CTNNA3: variants seen among roughly 807,000 people sequenced by gnomAD.
The protein encoded by CTNNA3 is catenin alpha-3.
CTNNA3 carries 76 observed loss-of-function variants against 95.7 expected under a neutral mutation model. The observed-to-expected ratio is 0.79, with a 90% CI of 0.66 to 0.96. The LOEUF (loss-of-function observed/expected upper bound fraction) is 0.96, where lower values mean the gene tolerates loss of function less well. Ranked by LOEUF, CTNNA3 falls within the 40% of genes least tolerant of loss-of-function variation. CTNNA3 has a pLI of 0.00. For missense variants in CTNNA3, 1,191 were observed against 1,089.8 expected, an observed-to-expected ratio of 1.09 and a Z score of -1.31; for synonymous variants, 431 against 374.4, an observed-to-expected ratio of 1.15 and a Z score of -1.74.
At chr10:66,869,743 T>G (rs1844324567) in intron 7 of CTNNA3, among the ~76,000 whole-genome samples, 1 of 151,960 alleles carries the variant, frequency 6.6e-6, no homozygotes, top group Non-Finnish European at 1.5e-5. Context: ...CATACAGAGG[T>G]GTGAGAGGCT....
chr10:66,570,311 C>T (rs1012546547), intron 10 of CTNNA3, among the ~76,000 whole-genome samples: 14 of 146,942 alleles, frequency 9.5e-5, no homozygotes, highest in African/African-American at 3.4e-4. Flanking sequence ...TTTGTTTTGA[C>T]AGAGTCTCGC....
At chr10:67,562,633 G>C (rs1841562710) in intron 3 of CTNNA3, among the ~76,000 whole-genome samples, 2 of 152,200 alleles carry the variant, frequency 1.3e-5, no homozygotes, top group Non-Finnish European at 2.9e-5. Context: ...TGGAAGTTCT[G>C]GCCAGGGCAA....
intron 13 of CTNNA3, among the ~76,000 whole-genome samples, chr10:66,243,140 T>TGACCAAACAGACTCTTGGTGG (rs1302084711): frequency 6.6e-6 from 1 of 152,190 alleles, no homozygotes; most frequent in African/African-American, 2.4e-5. Flanking sequence ...ATCTTAAGAC[T>TGACCAAACAGACTCTTGGTGG]GACCAAACAG....
chr10:67,448,310 T>C (rs1362895241), intron 5 of CTNNA3, among the ~76,000 whole-genome samples: 1 of 152,160 alleles, frequency 6.6e-6, no homozygotes, highest in African/African-American at 2.4e-5. Flanking sequence ...ATTTATAGAT[T>C]TATGCAACTC....
At chr10:67,562,934 G>T (rs1473301625) in intron 3 of CTNNA3, among the ~76,000 whole-genome samples, 1 of 152,024 alleles carries the variant, frequency 6.6e-6, no homozygotes. Flanking sequence ...ACTTACAAGG[G>T]ATGTGAAGGA....
intron 13 of CTNNA3, among the ~76,000 whole-genome samples, chr10:66,165,718 T>C (rs1251352208): frequency 6.6e-6 from 1 of 152,032 alleles, no homozygotes; most frequent in Admixed American, 6.6e-5. Flanking sequence ...TGTGCATGTG[T>C]CATCATTTTG....
chr10:67,587,193 T>TTGTGTG (rs57140243), intron 3 of CTNNA3, among the ~76,000 whole-genome samples: 14,974 of 129,940 alleles, frequency 0.12, 1,021 homozygotes, highest in Non-Finnish European at 0.15. Context: ...CCCAGCTAAC[T>TTGTGTG]TGTGTGTGTG....
At chr10:66,129,203 G>A (rs1171365426) in intron 13 of CTNNA3, among the ~76,000 whole-genome samples, 2 of 152,206 alleles carry the variant, frequency 1.3e-5, no homozygotes, top group Non-Finnish European at 2.9e-5. Flanking sequence ...GGTGGAGGTT[G>A]CAGTGAGCCG....
At chr10:66,656,655 G>T (rs1439216287) in intron 9 of CTNNA3, among the ~76,000 whole-genome samples, 1 of 152,004 alleles carries the variant, frequency 6.6e-6, no homozygotes, top group African/African-American at 2.4e-5. Context: ...GAGTAAGCAT[G>T]TTGGCAGATA....
chr10:67,725,694 G>C lies in CTNNA3; in HGVS notation c.-2+37740C>G, dbSNP rs1347816281. ...GAGAGAAAAAGAGATGAGAGTCAGG[G>C]GGATGGTCTAAGGAGAAGAGCTTAT... is the stretch of plus-strand genomic sequence containing the variant. On this transcript the variant is annotated intron_variant, in intron 1 of 17. Coordinates refer to the CTNNA3 transcript ENST00000684154. 6.6e-5 allele frequency among the ~76,000 whole-genome samples: 10 copies of C among 151,674 alleles called. No individual in the cohort carries two copies. The Admixed American group carries it at 6.6e-4, about 10-fold the overall frequency.
chr10:67,311,818 ATT>A (rs1427574533), intron 5 of CTNNA3, among the ~76,000 whole-genome samples: 1 of 152,120 alleles, frequency 6.6e-6, no homozygotes, highest in Non-Finnish European at 1.5e-5. Flanking sequence ...AGTAAATTTT[ATT>A]GAATACTGAA....
intron 7 of CTNNA3, among the ~76,000 whole-genome samples, chr10:67,152,208 A>G (rs1861115494): frequency 6.6e-6 from 1 of 152,114 alleles, no homozygotes; most frequent in African/African-American, 2.4e-5. Context: ...CTCATCATCT[A>G]CCTCTCTTGT....
At chr10:66,054,035 C>T (rs1156924664) in intron 15 of CTNNA3, among the ~76,000 whole-genome samples, 2 of 152,022 alleles carry the variant, frequency 1.3e-5, no homozygotes, top group Non-Finnish European at 2.9e-5. Flanking sequence ...CATTTCTATC[C>T]ATGTTGTTGC....
intron 7 of CTNNA3, among the ~76,000 whole-genome samples, chr10:66,851,771 G>A (rs371738933): frequency 2.1e-4 from 32 of 152,042 alleles, no homozygotes; most frequent in Non-Finnish European, 4.3e-4. Context: ...CATGTTTCCC[G>A]TACAGCCTGC....
intron 9 of CTNNA3, among the ~76,000 whole-genome samples, chr10:66,707,623 G>A (rs1361922591): frequency 6.6e-6 from 1 of 152,000 alleles, no homozygotes; most frequent in Non-Finnish European, 1.5e-5. Context: ...CCTTGGACTA[G>A]AGATTTAATA....
At chr10:66,955,189 T>A (rs993515384) in intron 7 of CTNNA3, among the ~76,000 whole-genome samples, 14 of 152,126 alleles carry the variant, frequency 9.2e-5, no homozygotes, top group Non-Finnish European at 1.9e-4. Context: ...CCTGAAAAGA[T>A]CCATTTTATT....
intron 5 of CTNNA3, among the ~76,000 whole-genome samples, chr10:67,243,362 A>C (rs900856650): frequency 6.6e-6 from 1 of 152,148 alleles, no homozygotes; most frequent in African/African-American, 2.4e-5. Context: ...TAGTAGCACT[A>C]GTCTAGAGGA....
chr10:67,519,856 G>A (rs540243445), intron 5 of CTNNA3, among the ~76,000 whole-genome samples: 11 of 152,242 alleles, frequency 7.2e-5, no homozygotes, highest in East Asian at 1.9e-4. Context: ...ACTTTCTGGC[G>A]TGTGCTTCAT....
At chr10:66,424,674 TGAA>T (rs924856799) in intron 11 of CTNNA3, among the ~76,000 whole-genome samples, 2 of 152,158 alleles carry the variant, frequency 1.3e-5, no homozygotes, top group African/African-American at 4.8e-5. Flanking sequence ...TTTCGAAACT[TGAA>T]GAGACTTTCT....
Sources: allele counts gnomAD v4.1 joint callset (sites outside exome capture counted in the v4.1 genomes callset), GRCh38; gene constraint gnomAD v4.1.1; transcripts MANE v1.5; gene names NCBI Gene and HGNC (gene_info 2026-07-23, HGNC 2026-07-21).